Variants in ZMAT4 observed in about 807,000 individuals in gnomAD.
ZMAT4 encodes zinc finger matrin-type 4, also known as zinc finger matrin-type protein 4.
ZMAT4 carries 17 observed loss-of-function variants against 28.7 expected under a neutral mutation model. The ratio of observed to expected loss-of-function variants is 0.59; its 90% confidence interval spans 0.41 to 0.89. ZMAT4 has a LOEUF of 0.89. Ranked by LOEUF, ZMAT4 falls within the 40% of genes least tolerant of loss-of-function variation. The pLI is 0.00. For synonymous variants in ZMAT4, 117 were observed against 109.2 expected (o/e 1.07, Z -0.44); for missense variants, 240 against 283.8 (o/e 0.85, Z 1.11).
At chr8:40,580,170 G>A (rs376869329) in intron 6 of ZMAT4, among the ~76,000 whole-genome samples, 71 of 151,770 alleles carry the variant, frequency 4.7e-4, no homozygotes, top group Non-Finnish European at 7.7e-4. Flanking sequence ...GTGCCACCAC[G>A]CCTGGCTCAT....
intron 1 of ZMAT4, among the ~76,000 whole-genome samples, chr8:40,878,982 G>T (rs1237000289): frequency 3.3e-5 from 5 of 152,198 alleles, no homozygotes; most frequent in African/African-American, 4.8e-5. Flanking sequence ...CTGTGGCTTT[G>T]CTACTGACTA....
chr8:40,787,822 G>A (rs529326243), intron 2 of ZMAT4, among the ~76,000 whole-genome samples: 1 of 152,156 alleles, frequency 6.6e-6, no homozygotes, highest in Non-Finnish European at 1.5e-5. Flanking sequence ...TTCATGTGCT[G>A]CTCAGGAAAG....
At chr8:40,561,271 T>A (rs1208145527) in intron 6 of ZMAT4, among the ~76,000 whole-genome samples, 1 of 152,114 alleles carries the variant, frequency 6.6e-6, no homozygotes, top group Non-Finnish European at 1.5e-5. Context: ...AATGCTGTGG[T>A]CTTTCATTTG....
chr8:40,704,551 A>ATTTTGT (rs1361091597), intron 3 of ZMAT4, among the ~76,000 whole-genome samples: 1 of 152,182 alleles, frequency 6.6e-6, no homozygotes, highest in Middle Eastern at 3.2e-3. Context: ...CTTTATTAGC[A>ATTTTGT]TTTTGTTTTT....
At chr8:40,851,840 A>G (rs1257652089) in intron 1 of ZMAT4, among the ~76,000 whole-genome samples, 1 of 152,224 alleles carries the variant, frequency 6.6e-6, no homozygotes, top group Non-Finnish European at 1.5e-5. Flanking sequence ...AACTTCCTAT[A>G]GAACACCCTA....
At chr8:40,664,394 G>T (rs1243401227) in intron 5 of ZMAT4, among the ~76,000 whole-genome samples, 2 of 152,088 alleles carry the variant, frequency 1.3e-5, no homozygotes, top group African/African-American at 4.8e-5. Context: ...CTCTCTTGTT[G>T]GTGCATAGCT....
intron 2 of ZMAT4, among the ~76,000 whole-genome samples, chr8:40,811,280 T>G (rs747703806): frequency 6.6e-6 from 1 of 152,192 alleles, no homozygotes; most frequent in Non-Finnish European, 1.5e-5. Flanking sequence ...CTTGGGTGGT[T>G]GTAAGACGAG....
At position 40,646,382 on chromosome 8, in the gene ZMAT4, A is replaced by C. The variant is rs567589106; in HGVS notation, c.577+28322T>G. ...GGTTTCTCTAAGTATTATTGTAAAC[A>C]TACTTTAACTTTTTATTCTACTTAG... On this transcript the variant is annotated intron_variant, in intron 5 of 6. Transcript: ENST00000297737. Among the ~76,000 whole-genome samples, 4 of 151,862 alleles carry C rather than the reference A, an allele frequency of 2.6e-5. No individual in the cohort carries two copies. In the East Asian group the frequency reaches 7.7e-4, roughly 29 times the overall value.
At chr8:40,749,703 G>C (rs1316602113) in intron 3 of ZMAT4, among the ~76,000 whole-genome samples, 1 of 152,184 alleles carries the variant, frequency 6.6e-6, no homozygotes, top group African/African-American at 2.4e-5. Context: ...TGCATGAAAT[G>C]GTTGAGGCAG....
chr8:40,634,649 G>A (rs770028700), intron 5 of ZMAT4, among the ~76,000 whole-genome samples: 10 of 152,292 alleles, frequency 6.6e-5, no homozygotes, highest in Admixed American at 3.3e-4. Flanking sequence ...CAGGGAATGC[G>A]CGCTGTTTGC....
chr8:40,818,303 T>G (rs1418990458), intron 2 of ZMAT4, among the ~76,000 whole-genome samples: 1 of 152,144 alleles, frequency 6.6e-6, no homozygotes, highest in African/African-American at 2.4e-5. Flanking sequence ...TTACAGAAGA[T>G]TAAGAATCTT....
chr8:40,707,109 T>C (rs1810390765), intron 3 of ZMAT4, among the ~76,000 whole-genome samples: 1 of 152,180 alleles, frequency 6.6e-6, no homozygotes, highest in Non-Finnish European at 1.5e-5. Context: ...TCTCTCTATA[T>C]GCAAGGGCCA....
chr8:40,841,987 C>G (rs1041445220), intron 1 of ZMAT4, among the ~76,000 whole-genome samples: 2 of 152,150 alleles, frequency 1.3e-5, no homozygotes, highest in African/African-American at 4.8e-5. Flanking sequence ...GTGTCTAGAG[C>G]CAAGGGAGGA....
chr8:40,750,172 C>T (rs189132576), intron 3 of ZMAT4, among the ~76,000 whole-genome samples: 3 of 152,228 alleles, frequency 2.0e-5, no homozygotes, highest in Admixed American at 6.5e-5. Context: ...ATTTTAATGT[C>T]ACAACCCTTG....
At chr8:40,850,282 G>T (rs1182009168) in intron 1 of ZMAT4, among the ~76,000 whole-genome samples, 2 of 151,934 alleles carry the variant, frequency 1.3e-5, no homozygotes, top group East Asian at 1.9e-4. Flanking sequence ...CACCCAATCT[G>T]CACCCTGCTA....
chr8:40,762,805 A>G (rs1274062353), intron 3 of ZMAT4, among the ~76,000 whole-genome samples: 1 of 152,190 alleles, frequency 6.6e-6, no homozygotes, highest in African/African-American at 2.4e-5. Context: ...CCATGCCTCA[A>G]TTTCACACTT....
At chr8:40,546,676 T>C (rs941301052) in intron 6 of ZMAT4, among the ~76,000 whole-genome samples, 4 of 152,186 alleles carry the variant, frequency 2.6e-5, no homozygotes, top group Non-Finnish European at 4.4e-5. Context: ...CATAATTATC[T>C]GCTTCCAGCT....
chr8:40,624,661 C>G (rs1806307926), intron 5 of ZMAT4, among the ~76,000 whole-genome samples: 1 of 152,172 alleles, frequency 6.6e-6, no homozygotes, highest in Non-Finnish European at 1.5e-5. Flanking sequence ...CTAAATTCTT[C>G]CCAGATCTCA....
chr8:40,751,416 A>C (rs558401512), intron 3 of ZMAT4, among the ~76,000 whole-genome samples: 1 of 151,894 alleles, frequency 6.6e-6, no homozygotes, highest in African/African-American at 2.4e-5. Flanking sequence ...CACACACTTA[A>C]CAATCAGATA....
Sources: allele counts gnomAD v4.1 joint callset (sites outside exome capture counted in the v4.1 genomes callset), GRCh38; gene constraint gnomAD v4.1.1; transcripts MANE v1.5; gene names NCBI Gene and HGNC (gene_info 2026-07-23, HGNC 2026-07-21).